CCDC88A: variants seen among roughly 807,000 people sequenced by gnomAD.
The protein encoded by CCDC88A is girdin.
Under a neutral mutation model 234.3 loss-of-function variants are expected in CCDC88A, and 54 were observed. The ratio of observed to expected loss-of-function variants is 0.23; its 90% CI spans 0.19 to 0.29. CCDC88A has a LOEUF of 0.29. CCDC88A is among the 10% of genes least tolerant of loss of function. The pLI is 1.00. For missense variants in CCDC88A, 1,832 were observed against 2,123.4 expected (o/e 0.86, Z 2.70); for synonymous variants, 753 against 737.8 (o/e 1.02, Z -0.33).
intron 1 of CCDC88A, 44 bp downstream of exon 1, chr2:55,418,973 A>C (rs1681915153): frequency 6.3e-7 from 1 of 1,598,780 alleles, no homozygotes; most frequent in Middle Eastern, 1.7e-4. Flanking sequence ...CTCTGCAGCC[A>C]CAAATAACTC....
At chr2:55,307,087 CATT>C (rs376398948) in intron 25 of CCDC88A, among the ~76,000 whole-genome samples, 38 of 152,130 alleles carry the variant, frequency 2.5e-4, no homozygotes, top group African/African-American at 8.9e-4. Flanking sequence ...CAATTAGTGA[CATT>C]AGTGATAGTG....
chr2:55,308,662 T>C, intron 25 of CCDC88A, 147 bp downstream of exon 25: 1 of 632,862 alleles, frequency 1.6e-6, no homozygotes, highest in Non-Finnish European at 2.7e-6. Flanking sequence ...GGCTGTACAC[T>C]AATGCAGTAC....
intron 5 of CCDC88A, among the ~76,000 whole-genome samples, chr2:55,367,588 C>T (rs1372769528): frequency 7.6e-6 from 1 of 131,984 alleles, no homozygotes; most frequent in Non-Finnish European, 1.5e-5. Flanking sequence ...TGGTTATTCA[C>T]AGGCATGATC....
intron 5 of CCDC88A, among the ~76,000 whole-genome samples, chr2:55,365,884 T>C (rs1301841310): frequency 6.6e-6 from 1 of 152,226 alleles, no homozygotes; most frequent in African/African-American, 2.4e-5. Flanking sequence ...TCATTAGCTA[T>C]ATGCAGCTAC....
In CCDC88A at chr2:55,296,340, T is replaced by A. The variant is rs866272304; in HGVS notation, c.5009A>T (p.Lys1670Met). ...ISETLESRHH[K>M]IKTGSPGSEV... ...ACTTCCAGGGGAACCAGTTTTGATC[T>A]TGTGATGTCGACTCTCCAGTGTTTC... Residue 1670 changes from lysine (K) to methionine (M), a missense_variant, in exon 30 of 33, where the codon AAG (lysine) becomes ATG (methionine). Lys to Met is a moderately conservative substitution (Grantham distance 95). Transcript: ENST00000436346. 6.2e-7 allele frequency: 1 copy of A among 1,614,228 alleles called. No homozygotes were observed. Among genetic ancestry groups the A allele is most frequent in the Middle Eastern group, 1.6e-4 (1 of 6,062 alleles).
intron 25 of CCDC88A, chr2:55,306,277 T>C (rs1681555625): frequency 6.6e-6 from 1 of 152,152 alleles, no homozygotes; most frequent in Non-Finnish European, 1.5e-5. Context: ...AAAATTAAGT[T>C]ATCTGCCATC....
chr2:55,384,411 A>AT lies in CCDC88A; in HGVS notation c.273+4366dup, dbSNP rs538232739. Among the ~76,000 whole-genome samples the AT allele has an allele frequency of 2.4e-4, 36 of 148,466 alleles. 1 individual carries two copies. In the South Asian group the frequency reaches 6.6e-3, roughly 27 times the overall value. On this transcript the variant is annotated intron_variant, in intron 3 of 32. Transcript: ENST00000436346. ...CACTAGAACTATGTCTATATTATCT[A>AT]TTTTTTTTCTAATTTTCTACATTAC...
rs569193324 is a variant in CCDC88A at position 55,322,579 on chromosome 2, C to T, written c.3111G>A (p.Thr1037=). 14 of 1,608,430 alleles carry T rather than the reference C, an allele frequency of 8.7e-6. No homozygotes were observed. Among genetic ancestry groups the T allele is most frequent in the African/African-American group, 2.7e-5 (2 of 74,910 alleles). ...CTTTAACTTTCAGAAGTTCTCTAGT[C>T]GTTTCTTGACTTTCTCGCTCCCATT... ...DNKWERESQE[T]TRELLKVKDR... Residue 1037 remains threonine, a synonymous_variant, in exon 18 of 33, where the codon ACG becomes ACA. Coordinates refer to ENST00000436346, the MANE Select transcript of CCDC88A (RefSeq NM_001365480.1).
In CCDC88A at chr2:55,355,655, G is replaced by A; in HGVS notation, c.724C>T (p.Arg242Ter). 1 of 1,613,984 alleles carries A rather than the reference G, an allele frequency of 6.2e-7. No homozygotes were observed. ...QSPCGSPGMK[R>*]TESRQHLSVE... is the part of the protein sequence containing the mutation. Reference sequence around the variant, plus strand: ...GACAGATGTTGTCGACTTTCTGTTCGCTTCATGCCTGGAGAACCACAGGGT... The same window carrying A: ...GACAGATGTTGTCGACTTTCTGTTCACTTCATGCCTGGAGAACCACAGGGT... Residue 242 changes from arginine (R) to a stop codon, truncating the protein, a stop_gained, in exon 8 of 33, where the codon CGA (arginine) becomes TGA (stop). Coordinates refer to ENST00000436346, the MANE Select transcript of CCDC88A (RefSeq NM_001365480.1). LOFTEE classifies it high-confidence loss of function.
rs1680858487 is a variant in CCDC88A at position 55,301,218 on chromosome 2, A to G, written c.4732T>C (p.Ser1578Pro). ...QGVSDDSSTG[S>P]RVHASRPASL... ...TTCATTATCTTACCATGAACTCTTG[A>G]TCCCGTACTAGAATCATCACTAACA... Residue 1578 changes from serine (S) to proline (P), a missense_variant, in exon 28 of 33, where the codon TCA becomes CCA. Transcript: ENST00000436346. The G allele has an allele frequency of 6.3e-7, 1 of 1,590,406 alleles. No homozygotes were observed. Among genetic ancestry groups the G allele is most frequent in the African/African-American group, 1.3e-5 (1 of 74,330 alleles).
intron 17 of CCDC88A, among the ~76,000 whole-genome samples, chr2:55,325,772 AT>A (rs1251995938): frequency 6.6e-6 from 1 of 152,110 alleles, no homozygotes; most frequent in Non-Finnish European, 1.5e-5. Context: ...TGCTTCATGT[AT>A]TTTGCAGCTC....
chr2:55,352,612 T>C (rs1242493327), intron 8 of CCDC88A, among the ~76,000 whole-genome samples: 3 of 152,172 alleles, frequency 2.0e-5, no homozygotes, highest in African/African-American at 7.2e-5. Flanking sequence ...ATAGTTTATA[T>C]TAGAAAAATT....
At chr2:55,354,131 T>TA (rs1278252339) in intron 8 of CCDC88A, among the ~76,000 whole-genome samples, 4 of 144,344 alleles carry the variant, frequency 2.8e-5, no homozygotes, top group South Asian at 4.3e-4. Flanking sequence ...GTATAAAAGA[T>TA]AAAAAATGGT....
Position 55,328,258 on chromosome 2 carries a change from A to G in CCDC88A, c.2997+36T>C. Reference sequence around the variant, plus strand: ...TTCTGTCCAAATATTTATATAATAAATGATCCTTAAAATTCTTTCCAAGAA... The same window carrying G: ...TTCTGTCCAAATATTTATATAATAAGTGATCCTTAAAATTCTTTCCAAGAA... On this transcript the variant is annotated intron_variant, in intron 17 of 32. Transcript: ENST00000436346. This position sits in a 1 kb window ranked among gnomAD's most constrained non-coding sequence, Gnocchi z 4.3. 2 of 1,442,020 alleles carry G rather than the reference A, an allele frequency of 1.4e-6. No individual in the cohort carries two copies. The highest frequency in any genetic ancestry group is 4.9e-5 in the East Asian group (2 of 40,852). The allele number at this position is 1,442,020 out of a possible 1,614,324, so 89.3% of individuals were successfully genotyped here.
Position 55,346,155 on chromosome 2 carries a change from T to C in CCDC88A, c.1041+20A>G, listed in dbSNP as rs1669083461. 7 of 1,547,600 alleles carry C rather than the reference T, an allele frequency of 4.5e-6. No homozygotes were observed. The highest frequency in any genetic ancestry group is 6.1e-6 in the Non-Finnish European group (7 of 1,141,926). On this transcript the variant is annotated intron_variant, in intron 10 of 32. Coordinates refer to ENST00000436346, the MANE Select transcript of CCDC88A (RefSeq NM_001365480.1). ...CTAACACAGAAAAAAAAATCATGAATGGTTAATTATGCAACATACCTCAAC... is the reference window on the plus strand; with the variant it reads ...CTAACACAGAAAAAAAAATCATGAACGGTTAATTATGCAACATACCTCAAC...
intron 2 of CCDC88A, chr2:55,404,712 T>G (rs12618795): frequency 0.86 from 131,584 of 152,220 alleles, 57,273 homozygotes; most frequent in Admixed American, 0.93. Flanking sequence ...GAAACTGTTT[T>G]GGGGACCTCC....
At position 55,288,574 on chromosome 2, in the gene CCDC88A, G is replaced by T. The variant is rs934645085; in HGVS notation, c.*2626C>A. Reference sequence around the variant, plus strand: ...ACAGTGATTTTAAAATAGGCTTTTTGCATGCCTTGCATGAAAGGTGCTACA... The same window carrying T: ...ACAGTGATTTTAAAATAGGCTTTTTTCATGCCTTGCATGAAAGGTGCTACA... On this transcript the variant is annotated 3_prime_UTR_variant, in exon 33 of 33. Coordinates refer to ENST00000436346, the MANE Select transcript of CCDC88A (RefSeq NM_001365480.1). The T allele has an allele frequency of 6.6e-6, 1 of 152,608 alleles. No homozygotes were observed. Among genetic ancestry groups the T allele is most frequent in the African/African-American group, 2.4e-5 (1 of 41,458 alleles). 9.5% of individuals were successfully genotyped at this position (152,608 alleles called of 1,614,324 possible).
intron 4 of CCDC88A, among the ~76,000 whole-genome samples, chr2:55,374,578 T>C (rs1006497437): frequency 1.3e-5 from 2 of 152,206 alleles, no homozygotes; most frequent in African/African-American, 4.8e-5. Flanking sequence ...CACAAAAGTA[T>C]CTGTTTGGTA....
chr2:55,349,850 T>C, intron 8 of CCDC88A: 1 of 305,588 alleles, frequency 3.3e-6, no homozygotes. Flanking sequence ...GTTTTTCTCT[T>C]TCTCTCTTTT....
Sources: gnomAD v4.1 joint callset for allele counts (sites outside exome capture counted in the v4.1 genomes callset) on GRCh38, gnomAD v4.1.1 for gene constraint, Gnocchi (gnomAD v3.1) non-coding constraint, MANE v1.5 for transcripts, NCBI Gene and HGNC (gene_info 2026-07-23, HGNC 2026-07-21) for gene names.